Variants in MYO1H observed in about 807,000 individuals in gnomAD.
MYO1H encodes the protein unconventional myosin-Ih.
Under a neutral mutation model 149.3 loss-of-function variants are expected in MYO1H, and 118 were observed. That is an observed-to-expected ratio of 0.79 (90% CI 0.68 to 0.92). The LOEUF is 0.92. MYO1H is among the 40% of genes least tolerant of loss of function. The probability of loss-of-function intolerance (pLI) is 0.00; values close to 1 mark genes in which losing one functional copy is unlikely to be tolerated. For synonymous variants in MYO1H, 447 were observed against 465.2 expected (o/e 0.96, Z 0.50); for missense variants, 1,212 against 1,280.7 (o/e 0.95, Z 0.82).
At chr12:109,371,208 T>TC (rs34790855) in intron 1 of MYO1H, among the ~76,000 whole-genome samples, 1 of 140,742 alleles carries the variant, frequency 7.1e-6, no homozygotes, top group Admixed American at 7.8e-5. Flanking sequence ...TTCTTTTTTT[T>TC]CTTTCTTTTT....
exon 14 of MYO1H, chr12:109,411,981 G>A (rs763905054): frequency 4.5e-5 from 71 of 1,586,386 alleles, no homozygotes; most frequent in Admixed American, 5.4e-5. Flanking sequence ...TGCACACTTC[G>A]AAACGTACAT....
At chr12:109,397,772 G>A (rs1484490505) in exon 5 of MYO1H, 2 of 1,612,368 alleles carry the variant, frequency 1.2e-6, no homozygotes, top group Non-Finnish European at 1.7e-6. Flanking sequence ...GACAACTCCA[G>A]CAGATTTGGG....
At chr12:109,358,844 G>T (rs1238212570) in intron 1 of MYO1H, among the ~76,000 whole-genome samples, 38 of 72,782 alleles carry the variant, frequency 5.2e-4, no homozygotes, top group East Asian at 1.5e-3. Flanking sequence ...ATCCTGTGGT[G>T]TTAAAAAAAA....
intron 13 of MYO1H, 44 bp downstream of exon 13, chr12:109,410,812 T>C: frequency 7.7e-7 from 1 of 1,299,136 alleles, no homozygotes; most frequent in Non-Finnish European, 1.1e-6. Flanking sequence ...ACCCGGCACT[T>C]ACAACTCTTG....
the MYO1H span, among the ~76,000 whole-genome samples, chr12:109,341,083 G>A: frequency 8.6e-5 from 13 of 151,832 alleles, no homozygotes; most frequent in Admixed American, 5.2e-4. Flanking sequence ...AGCTACTCAG[G>A]AGGCTGAGGC....
chr12:109,436,229 G>C (rs900126767), intron 21 of MYO1H, among the ~76,000 whole-genome samples: 2 of 152,132 alleles, frequency 1.3e-5, no homozygotes, highest in African/African-American at 4.8e-5. Context: ...TGGGGGGCTT[G>C]TAGCACTAGG....
At position 109,443,160 on chromosome 12, in the gene MYO1H, GTA is replaced by G. The variant is rs544923158; in HGVS notation, c.2689-350_2689-349del. Among the ~76,000 whole-genome samples the G allele has an allele frequency of 1.5e-3, 49 of 33,300 alleles. 14 individuals carry two copies. Among genetic ancestry groups the G allele is most frequent in the East Asian group, 2.7e-3 (4 of 1,458 alleles). 21.8% of individuals were successfully genotyped at this position (33,300 alleles called of 152,430 possible). A position where few individuals can be genotyped will look rare whatever the true frequency, so the allele number is the denominator to read the frequency against. On this transcript the variant is annotated intron_variant, in intron 27 of 31. Transcript: ENST00000310903. Reference sequence around the variant, plus strand: ...TGTGTATATGTGTACGTATGTGTGTGTATATGTGTACGTATGTGTGTATATGT... The same window carrying G: ...TGTGTATATGTGTACGTATGTGTGTGTATGTGTACGTATGTGTGTATATGT...
chr12:109,379,628 T>C (rs1004421884), intron 1 of MYO1H, among the ~76,000 whole-genome samples: 1 of 150,792 alleles, frequency 6.6e-6, no homozygotes, highest in Non-Finnish European at 1.5e-5. Context: ...GATTGAAAAA[T>C]AGCATATATA....
Position 109,382,708 on chromosome 12 carries a change from C to T in MYO1H, c.13-5975C>T, listed in dbSNP as rs914161355. Among the ~76,000 whole-genome samples, 23 of 151,614 alleles carry T rather than the reference C, an allele frequency of 1.5e-4. 1 individual carries two copies. The highest frequency in any genetic ancestry group is 1.5e-3 in the Admixed American group (23 of 15,202). On this transcript the variant is annotated intron_variant, in intron 1 of 31. Transcript: ENST00000310903. The stretch of plus-strand genomic sequence containing the variant: ...GTTTTGTGATTTACCTCGAAATAAT[C>T]CAGTGCTGGGGGAGTAGTGAAACAC...
chr12:109,428,294 T>C (rs1032131649), intron 19 of MYO1H, among the ~76,000 whole-genome samples: 15 of 152,060 alleles, frequency 9.9e-5, no homozygotes, highest in Non-Finnish European at 1.5e-4. Context: ...CCTGGTTTAG[T>C]GCCTTAGCGC....
intron 7 of MYO1H, among the ~76,000 whole-genome samples, chr12:109,405,697 G>A (rs1251356768): frequency 2.0e-5 from 3 of 152,136 alleles, no homozygotes; most frequent in African/African-American, 7.2e-5. Flanking sequence ...GTTTCCTGCT[G>A]GACACTGAAT....
intron 2 of MYO1H, among the ~76,000 whole-genome samples, chr12:109,391,554 A>G (rs1869655514): frequency 6.6e-6 from 1 of 152,146 alleles, no homozygotes; most frequent in Non-Finnish European, 1.5e-5. Context: ...GTGTACATGT[A>G]TCTTTATAAT....
chr12:109,445,091 GC>G (rs1486829268), intron 30 of MYO1H, among the ~76,000 whole-genome samples: 1 of 152,216 alleles, frequency 6.6e-6, no homozygotes, highest in Non-Finnish European at 1.5e-5. Flanking sequence ...ATCCTGGAGA[GC>G]TGTTTCTTTT....
chr12:109,315,056 C>T, the MYO1H span, among the ~76,000 whole-genome samples: 8 of 152,148 alleles, frequency 5.3e-5, no homozygotes, highest in African/African-American at 1.7e-4. Flanking sequence ...GAGCCATGAT[C>T]GTGCCACTGC....
rs546179407 is a variant in MYO1H, at chr12:109,393,854, CTGTGTGTAACTGCTGAGAAAT to C, written c.290+410_290+430del. Among the ~76,000 whole-genome samples, 233 of 152,282 alleles carry C rather than the reference CTGTGTGTAACTGCTGAGAAAT, an allele frequency of 1.5e-3. 3 individuals carry two copies. The highest frequency in any genetic ancestry group is 0.011 in the South Asian group (55 of 4,834). On this transcript the variant is annotated intron_variant, in intron 3 of 31. Transcript: ENST00000310903. ...GCTTAAATATGAAAAGAGGTGCAAC[CTGTGTGTAACTGCTGAGAAAT>C]TTAAGTGTGGCTGGAGAGATGTCTT...
At chr12:109,344,838 T>C (rs1566015226), upstream of MYO1H, among the ~76,000 whole-genome samples, 1 of 152,190 alleles carries the variant, frequency 6.6e-6, no homozygotes, top group Non-Finnish European at 1.5e-5. Context: ...TTATGGTCAA[T>C]TGATTTTCGA....
chr12:109,411,209 T>A (rs1385654093), intron 13 of MYO1H, among the ~76,000 whole-genome samples: 1 of 152,126 alleles, frequency 6.6e-6, no homozygotes, highest in Non-Finnish European at 1.5e-5. Context: ...GCTCAAGCAG[T>A]CCTCCCACAT....
At chr12:109,416,676 A>T (rs527822754) in intron 15 of MYO1H, among the ~76,000 whole-genome samples, 118 of 152,014 alleles carry the variant, frequency 7.8e-4, no homozygotes, top group Non-Finnish European at 6.9e-4. Context: ...TATACGTAGG[A>T]ATGGAATTAT....
chr12:109,332,457 G>T, the MYO1H span, among the ~76,000 whole-genome samples: 2 of 152,184 alleles, frequency 1.3e-5, no homozygotes, highest in Non-Finnish European at 2.9e-5. Flanking sequence ...CTCATGTAGG[G>T]CTCAGGCCTA....
Sources: allele counts gnomAD v4.1 joint callset (sites outside exome capture counted in the v4.1 genomes callset), GRCh38; gene constraint gnomAD v4.1.1; transcripts MANE v1.5; gene names NCBI Gene and HGNC (gene_info 2026-07-23, HGNC 2026-07-21).